The following CACNA1A variants were observed in gnomAD, a reference collection of about 807,000 sequenced individuals.
The protein encoded by CACNA1A is voltage-dependent P/Q-type calcium channel subunit alpha-1A.
A neutral mutation model predicts 262.4 loss-of-function variants in CACNA1A; 57 were observed. That is an observed-to-expected ratio of 0.22 (90% CI 0.18 to 0.27). The LOEUF (loss-of-function observed/expected upper bound fraction) is 0.27. CACNA1A is among the 10% of genes least tolerant of loss of function. CACNA1A has a pLI of 1.00. For synonymous variants in CACNA1A, 1,431 were observed against 1,419.3 expected, an observed-to-expected ratio of 1.01 and a Z score of -0.18; for missense variants, 2,526 against 3,562.8, an observed-to-expected ratio of 0.71 and a Z score of 7.41.
At chr19:13,374,562 A>C (rs79510907) in intron 3 of CACNA1A, among the ~76,000 whole-genome samples, 5,669 of 151,504 alleles carry the variant, frequency 0.037, 193 homozygotes, top group South Asian at 0.089. Flanking sequence ...TTCAACTTTT[A>C]ATTTGATTTA....
intron 45 of CACNA1A, 119 bp from the exon 46 acceptor site, chr19:13,209,128 C>G: frequency 7.0e-7 from 1 of 1,438,128 alleles, no homozygotes; most frequent in South Asian, 1.3e-5. Flanking sequence ...TGAACCGAGG[C>G]AGGTCAGTGG....
rs151316597 is a variant in CACNA1A at position 13,338,163 on chromosome 19, G to A, written c.979-2254C>T. ...CCAGAAGGCGGAGCTTGCAGTGAGCGGAGATCACACCACTGCACTCCAGCC... is the reference window on the plus strand; with the variant it reads ...CCAGAAGGCGGAGCTTGCAGTGAGCAGAGATCACACCACTGCACTCCAGCC... On this transcript the variant is annotated intron_variant, in intron 6 of 46. Transcript: ENST00000360228. 3.5e-3 allele frequency among the ~76,000 whole-genome samples: 535 copies of A among 152,062 alleles called. 1 individual carries two copies. Among genetic ancestry groups the A allele is most frequent in the African/African-American group, 0.012 (506 of 41,488 alleles).
chr19:13,261,123 C>G (rs1303144882), intron 26 of CACNA1A: 1 of 244,514 alleles, frequency 4.1e-6, no homozygotes, highest in Non-Finnish European at 7.9e-6. Flanking sequence ...ACATGGGAAT[C>G]TCAAAATATT....
Position 13,347,067 on chromosome 19 carries a change from G to GTTT in CACNA1A, c.979-11161_979-11159dup, listed in dbSNP as rs35913659. ...TCAGGTCTGTTTTTTTTGTTTTTTT[G>GTTT]TTTTTTTTTTTTGAGACAGTTCTTG... On this transcript the variant is annotated intron_variant, in intron 6 of 46. Transcript: ENST00000360228. Among the ~76,000 whole-genome samples, 431 of 138,556 alleles carry GTTT rather than the reference G, an allele frequency of 3.1e-3. 13 individuals are homozygous for GTTT. The highest frequency in any genetic ancestry group is 0.024 in the South Asian group (107 of 4,512). The allele number at this position is 138,556 out of a possible 152,430, so 90.9% of individuals were successfully genotyped here.
chr19:13,262,875 G>T, intron 24 of CACNA1A, 42 bp from the exon 25 acceptor site: 1 of 1,417,206 alleles, frequency 7.1e-7, no homozygotes, highest in Non-Finnish European at 9.9e-7. Context: ...AAGAGAGGAA[G>T]CAGAGGTCAG....
chr19:13,255,070 C>T, intron 29 of CACNA1A, 25 bp downstream of exon 29: 2 of 1,612,450 alleles, frequency 1.2e-6, no homozygotes, highest in Non-Finnish European at 1.7e-6. Context: ...TTAAGTAGTG[C>T]TGGGGGCTGG....
In CACNA1A at chr19:13,207,538, C is replaced by G; in HGVS notation, c.7296G>C (p.Gly2432=). ...GSGGGEEAMA[G]AYDAPPPVRH... is the part of the protein sequence containing the mutation. ...GTACGGGGGGTGGCGCGTCGTAGGC[C>G]CCGGCCATGGCCTCCTCGCCGCCCC... The change falls in exon 47 of 47, where the codon GGG becomes GGC. Residue 2432 remains glycine (G), a synonymous_variant. Transcript: ENST00000360228. The surrounding 1 kb of genome is among the most constrained non-coding windows in gnomAD (Gnocchi z 5.7). 6.9e-7 allele frequency: 1 copy of G among 1,449,374 alleles called. No homozygotes were observed. The highest frequency in any genetic ancestry group is 9.1e-7 in the Non-Finnish European group (1 of 1,101,070). 89.8% of individuals were successfully genotyped at this position (1,449,374 alleles called of 1,614,324 possible).
In CACNA1A at chr19:13,207,644, A is replaced by G; in HGVS notation, c.7190T>C (p.Val2397Ala). The G allele has an allele frequency of 6.8e-7, 1 of 1,474,992 alleles. No homozygotes were observed. The allele number at this position is 1,474,992 out of a possible 1,614,324, so 91.4% of individuals were successfully genotyped here. ...CCGGGGACCCGGGGGCCCCTCGGAC[A>G]CGTGCGGGCCAGATGCCGGCCACCG... ...GARWPASGPHVSEGPPGPRHH... is the reference protein window; with the variant it reads ...GARWPASGPHASEGPPGPRHH... The change falls in exon 47 of 47, where the codon GTG becomes GCG. Residue 2397 changes from valine (V) to alanine (A), a missense_variant. Transcript: ENST00000360228. The surrounding 1 kb of genome is among the most constrained non-coding windows in gnomAD (Gnocchi z 5.7).
intron 3 of CACNA1A, among the ~76,000 whole-genome samples, chr19:13,435,359 G>T (rs994602953): frequency 1.3e-5 from 2 of 151,350 alleles, no homozygotes; most frequent in African/African-American, 4.9e-5. Context: ...GCCCAACTCA[G>T]CCTCCCAAAG....
chr19:13,313,814 C>T (rs2058078843), intron 11 of CACNA1A, among the ~76,000 whole-genome samples: 2 of 152,158 alleles, frequency 1.3e-5, no homozygotes, highest in Non-Finnish European at 1.5e-5. Flanking sequence ...TAATCTACTT[C>T]TACGTGACTG....
chr19:13,234,731 T>TCCCCTACCGGAAGAGAAGGGCACGC (rs202051301), intron 34 of CACNA1A, 190 bp downstream of exon 34: 141 of 572,030 alleles, frequency 2.5e-4, no homozygotes, highest in Middle Eastern at 1.4e-3. Context: ...GGCCGGCACG[T>TCCCCTACCGGAAGAGAAGGGCACGC]CCCCTACCGG....
chr19:13,280,380 T>TG lies in CACNA1A; in HGVS notation c.3822+2886dup, dbSNP rs1339717122. 1.3e-4 allele frequency among the ~76,000 whole-genome samples: 18 copies of TG among 141,990 alleles called. No homozygotes were observed. The South Asian group carries it at 2.0e-3, about 16-fold the overall frequency. The allele number at this position is 141,990 out of a possible 152,430, so 93.2% of individuals were successfully genotyped here. ...AAATTTTTTTTTTTTTTGGTAGAGGTGGGGGTCTCACTATGTTGCCCAAGC... is the reference window on the plus strand; with the variant it reads ...AAATTTTTTTTTTTTTTGGTAGAGGTGGGGGGTCTCACTATGTTGCCCAAGC... On this transcript the variant is annotated intron_variant, in intron 22 of 46. Transcript: ENST00000360228.
chr19:13,298,356 C>G (rs535956312), intron 19 of CACNA1A, among the ~76,000 whole-genome samples, 188 bp downstream of exon 19: 1 of 147,718 alleles, frequency 6.8e-6, no homozygotes, highest in African/African-American at 2.5e-5. Context: ...GTCTTGAACT[C>G]CTGACCTCGT....
intron 3 of CACNA1A, among the ~76,000 whole-genome samples, chr19:13,417,063 C>T (rs1163582733): frequency 6.6e-6 from 1 of 152,138 alleles, no homozygotes; most frequent in African/African-American, 2.4e-5. Context: ...CTTTTGATGA[C>T]CACCTCAAAG....
chr19:13,322,381 G>C (rs954057071), intron 10 of CACNA1A, among the ~76,000 whole-genome samples: 1 of 152,054 alleles, frequency 6.6e-6, no homozygotes, highest in Non-Finnish European at 1.5e-5. Flanking sequence ...CTGAGGGAAC[G>C]TGGTGGCTCT....
At chr19:13,222,056 G>A (rs1360290571) in intron 38 of CACNA1A, among the ~76,000 whole-genome samples, 3 of 151,842 alleles carry the variant, frequency 2.0e-5, no homozygotes, top group African/African-American at 4.8e-5. Context: ...ACAGGTACCC[G>A]CCACCACACC....
At chr19:13,228,852 G>A in intron 36 of CACNA1A, 2 of 987,124 alleles carry the variant, frequency 2.0e-6, no homozygotes, top group Non-Finnish European at 3.1e-6. Flanking sequence ...GGCTCCCTGG[G>A]CACACAGCGA....
chr19:13,420,090 A>T (rs2060293842), intron 3 of CACNA1A, among the ~76,000 whole-genome samples: 1 of 152,010 alleles, frequency 6.6e-6, no homozygotes. Context: ...CAACATAAAA[A>T]TAAAAATAAA....
chr19:13,386,454 G>A (rs1345141741), intron 3 of CACNA1A, among the ~76,000 whole-genome samples: 2 of 152,082 alleles, frequency 1.3e-5, no homozygotes, highest in East Asian at 3.9e-4. Flanking sequence ...GGATGCTTTT[G>A]TGTCTGTCTA....
Sources: allele counts gnomAD v4.1 joint callset (sites outside exome capture counted in the v4.1 genomes callset), GRCh38; gene constraint gnomAD v4.1.1; non-coding constraint Gnocchi (gnomAD v3.1); transcripts MANE v1.5; gene names NCBI Gene and HGNC (gene_info 2026-07-23, HGNC 2026-07-21).